SETD9: variants seen among roughly 807,000 people sequenced by gnomAD.
The protein encoded by SETD9 is SET domain containing 9, also known as SET domain-containing protein 9.
Under a neutral mutation model 36.4 loss-of-function variants are expected in SETD9, and 37 were observed. The ratio of observed to expected loss-of-function variants is 1.02; its 90% CI spans 0.78 to 1.34. The LOEUF (loss-of-function observed/expected upper bound fraction) is 1.34, where lower values mean the gene tolerates loss of function less well. Among genes scored for constraint, SETD9 ranks in the 40% most tolerant of loss-of-function variants. The pLI is 0.00. For synonymous variants in SETD9, 128 were observed against 132.9 expected (o/e 0.96, Z 0.26); for missense variants, 323 against 353.2 (o/e 0.91, Z 0.69).
chr5:56,923,936 T>C (rs1260961131), intron 5 of SETD9: 4 of 1,614,038 alleles, frequency 2.5e-6, no homozygotes, highest in South Asian at 2.2e-5. Context: ...GTGATGGTTA[T>C]ATCTTTTTTT....
chr5:56,924,812 A>G (rs1006899820), intron 5 of SETD9, among the ~76,000 whole-genome samples: 3 of 152,248 alleles, frequency 2.0e-5, no homozygotes, highest in African/African-American at 7.2e-5. Context: ...TCCCTTGCTT[A>G]ATCAGTACCC....
intron 5 of SETD9, among the ~76,000 whole-genome samples, chr5:56,915,531 GTTCT>G (rs1460132025): frequency 6.6e-6 from 1 of 152,188 alleles, no homozygotes; most frequent in African/African-American, 2.4e-5. Flanking sequence ...AGAGCTAAGA[GTTCT>G]TTCTTAACAG....
In SETD9 at chr5:56,911,533, C is replaced by T; in HGVS notation, c.463C>T (p.Pro155Ser). The T allele has an allele frequency of 1.3e-6, 2 of 1,545,936 alleles. No homozygotes were observed. Among genetic ancestry groups the T allele is most frequent in the Non-Finnish European group, 1.7e-6 (2 of 1,152,516 alleles). Reference sequence around the variant, plus strand: ...AAAAGGCGCAGTCGTATCTATGTATCCTGGTAACAGCACGATTAATATTAT... The same window carrying T: ...AAAAGGCGCAGTCGTATCTATGTATTCTGGTAACAGCACGATTAATATTAT... ...VPKGAVVSMY[P>S]GTVYQKYEPI... The change falls in exon 2 of 6, where the codon CCT (proline) becomes TCT (serine). Residue 155 changes from proline (P) to serine (S), a missense_variant. Coordinates refer to ENST00000285947, the MANE Select transcript of SETD9 (RefSeq NM_153706.4).
intron 5 of SETD9, chr5:56,922,778 T>TCGGTG: frequency 2.1e-5 from 5 of 238,298 alleles, no homozygotes; most frequent in South Asian, 7.7e-5. Context: ...TGGTGGCCTC[T>TCGGTG]GTCTACAGGT....
chr5:56,923,192 T>G (rs36017815), intron 5 of SETD9: 4 of 1,613,820 alleles, frequency 2.5e-6, no homozygotes, highest in Admixed American at 1.7e-5. Flanking sequence ...ATTGGTCTCG[T>G]TGGCAGAGAG....
intron 1 of SETD9, 85 bp downstream of exon 1, chr5:56,909,828 C>CTGAGGCTGACTGCCGGCCTGAGA: frequency 8.5e-7 from 1 of 1,182,188 alleles, no homozygotes; most frequent in Non-Finnish European, 1.1e-6. Flanking sequence ...AGCGGAGAGC[C>CTGAGGCTGACTGCCGGCCTGAGA]TGAGGCTGAC....
At chr5:56,913,394 T>G (rs1749255921) in intron 3 of SETD9, among the ~76,000 whole-genome samples, 2 of 151,268 alleles carry the variant, frequency 1.3e-5, no homozygotes, top group South Asian at 4.2e-4. Flanking sequence ...TTACTTTTTT[T>G]TTTTTTTGAG....
intron 1 of SETD9, 126 bp from the exon 2 acceptor site, chr5:56,911,043 T>G: frequency 8.9e-7 from 1 of 1,117,490 alleles, no homozygotes; most frequent in South Asian, 1.9e-5. Flanking sequence ...TGAACTTAGT[T>G]TCCAGCCCTC....
At chr5:56,928,005 A>G (rs1355942861), downstream of SETD9, 1 of 152,102 alleles carries the variant, frequency 6.6e-6, no homozygotes, top group Non-Finnish European at 1.5e-5. Context: ...TCACTTAATA[A>G]TATGCATTTA....
At chr5:56,918,920 A>AAGAT (rs1388962053), downstream of SETD9, among the ~76,000 whole-genome samples, 5 of 152,184 alleles carry the variant, frequency 3.3e-5, no homozygotes, top group African/African-American at 9.6e-5. Context: ...ATGTTTAGGA[A>AAGAT]AGATAGATAT....
At chr5:56,920,405 A>G (rs1220267106), downstream of SETD9, 1 of 152,550 alleles carries the variant, frequency 6.6e-6, no homozygotes, top group Non-Finnish European at 1.5e-5. Flanking sequence ...GCAACTGCTC[A>G]CCATGAATTT....
exon 6 of SETD9, chr5:56,925,469 C>G: frequency 3.4e-6 from 1 of 293,516 alleles, no homozygotes; most frequent in Admixed American, 4.9e-5. Context: ...ACAGCAATGA[C>G]GATTGAAATT....
At chr5:56,926,842 T>C (rs765783108), downstream of SETD9, among the ~76,000 whole-genome samples, 1 of 152,066 alleles carries the variant, frequency 6.6e-6, no homozygotes, top group Non-Finnish European at 1.5e-5. Flanking sequence ...GGTAAGTGAA[T>C]AAATACACTG....
Position 56,917,041 on chromosome 5 carries a change from GATATT to G in SETD9, c.*145_*149del, listed in dbSNP as rs1308692199. ...AATAGGAATTTCTTATGTTTTTGTT[GATATT>G]ATATTTATGTTCCAATTTCATGATA... is the stretch of plus-strand genomic sequence containing the variant. On this transcript the variant is annotated 3_prime_UTR_variant, in exon 6 of 6. Transcript: ENST00000285947. The G allele has an allele frequency of 3.2e-5, 43 of 1,330,044 alleles. No homozygotes were observed. In the South Asian group the frequency reaches 7.2e-4, roughly 22 times the overall value. The allele number at this position is 1,330,044 out of a possible 1,614,324, so 82.4% of individuals were successfully genotyped here. A position where few individuals can be genotyped will look rare whatever the true frequency, so the allele number is the denominator to read the frequency against.
At chr5:56,919,223 TCAAG>T (rs1749551605), downstream of SETD9, among the ~76,000 whole-genome samples, 1 of 150,780 alleles carries the variant, frequency 6.6e-6, no homozygotes, top group East Asian at 2.0e-4. Flanking sequence ...CCCCCAGGGT[TCAAG>T]CAATTTTCCT....
At chr5:56,910,305 G>A in intron 1 of SETD9, 2 of 1,304,292 alleles carry the variant, frequency 1.5e-6, no homozygotes, top group Non-Finnish European at 2.0e-6. Flanking sequence ...AGCCCATCCC[G>A]GCTGTGAGAA....
At chr5:56,928,097 T>TAA (rs1194615336), downstream of SETD9, 2 of 152,118 alleles carry the variant, frequency 1.3e-5, no homozygotes, top group Non-Finnish European at 2.9e-5. Flanking sequence ...GTGCCACACT[T>TAA]TGTTTATCCT....
At chr5:56,922,151 T>C (rs1688420147), downstream of SETD9, 1 of 152,640 alleles carries the variant, frequency 6.6e-6, no homozygotes, top group Non-Finnish European at 1.5e-5. Flanking sequence ...TGAACTGCAG[T>C]GCTACAAACA....
At chr5:56,917,809 T>C (rs982062484), downstream of SETD9, among the ~76,000 whole-genome samples, 1 of 152,214 alleles carries the variant, frequency 6.6e-6, no homozygotes, top group East Asian at 1.9e-4. Context: ...ACCTTCCCGT[T>C]TTATTAGCAA....
Sources: allele counts gnomAD v4.1 joint callset (sites outside exome capture counted in the v4.1 genomes callset), GRCh38; gene constraint gnomAD v4.1.1; transcripts MANE v1.5; gene names NCBI Gene and HGNC (gene_info 2026-07-23, HGNC 2026-07-21).